The following CLIP1 variants were observed in gnomAD, a reference collection of about 807,000 sequenced individuals.
CLIP1 encodes the protein CAP-Gly domain containing linker protein 1, also known as CAP-Gly domain-containing linker protein 1.
A neutral mutation model predicts 161.6 loss-of-function variants in CLIP1; 66 were observed. That is an observed-to-expected ratio of 0.41 (90% CI 0.33 to 0.50). CLIP1 has a LOEUF of 0.50. Among genes scored for constraint, CLIP1 ranks in the 20% least tolerant of loss-of-function variants. The probability of loss-of-function intolerance (pLI) is 0.27; values close to 1 mark genes in which losing one functional copy is unlikely to be tolerated. For synonymous variants in CLIP1, 598 were observed against 626.2 expected (o/e 0.96, Z 0.67); for missense variants, 1,376 against 1,702.0 (o/e 0.81, Z 3.37).
chr12:122,318,973 A>C lies in CLIP1; in HGVS notation c.3366+259T>G, dbSNP rs79894817. On this transcript the variant is annotated intron_variant, in intron 18 of 25. Transcript: ENST00000620786. ...GATACAAAAGCTAGAGCAGGCCATC[A>C]GTACCTCCTCTCACTAGTGCCATCA... Among the ~76,000 whole-genome samples the C allele has an allele frequency of 8.9e-3, 1,350 of 152,350 alleles. 16 individuals are homozygous for C. The highest frequency in any genetic ancestry group is 0.031 in the African/African-American group (1,280 of 41,576).
intron 1 of CLIP1, among the ~76,000 whole-genome samples, chr12:122,407,748 C>CAAAAAAAAAAAAA (rs35500806): frequency 5.2e-5 from 2 of 38,334 alleles, no homozygotes; most frequent in African/African-American, 2.8e-4. Context: ...GACCCTGTCT[C>CAAAAAAAAAAAAA]AAAAAAAAAA....
chr12:122,347,491 A>G lies in CLIP1; in HGVS notation c.1402-12T>C, dbSNP rs981607477. 2 of 1,600,742 alleles carry G rather than the reference A, an allele frequency of 1.2e-6. No homozygotes were observed. Among genetic ancestry groups the G allele is most frequent in the Non-Finnish European group, 1.7e-6 (2 of 1,168,616 alleles). ...AGTTTGGTCTGCGTCTGTTAGTAAAAAGGAAGAGGAAGAGAACACAACAGT... is the reference window on the plus strand; with the variant it reads ...AGTTTGGTCTGCGTCTGTTAGTAAAGAGGAAGAGGAAGAGAACACAACAGT... On this transcript the variant is annotated splice_polypyrimidine_tract_variant and intron_variant, in intron 9 of 25. Coordinates refer to ENST00000620786, the MANE Select transcript of CLIP1 (RefSeq NM_001247997.2).
intron 17 of CLIP1, among the ~76,000 whole-genome samples, chr12:122,325,585 G>A (rs1262478777): frequency 3.3e-5 from 5 of 152,086 alleles, no homozygotes; most frequent in Non-Finnish European, 5.9e-5. Context: ...AGTTTCAAGC[G>A]ATCCTCTTTT....
rs561745096 is a variant in CLIP1 at position 122,356,919 on chromosome 12, C to T, written c.1006-1607G>A. 7.1e-4 allele frequency among the ~76,000 whole-genome samples: 108 copies of T among 152,356 alleles called. No individual in the cohort carries two copies. In the Middle Eastern group the frequency reaches 0.02, roughly 29 times the overall value. ...CCTCCCGAGGTGCCGAGATTGCAGA[C>T]GGAGTCTGGTTCACTCAGTGCTCAA... On this transcript the variant is annotated intron_variant, in intron 5 of 25. Transcript: ENST00000620786.
intron 15 of CLIP1, among the ~76,000 whole-genome samples, chr12:122,328,677 C>T (rs1013942815): frequency 5.3e-5 from 8 of 152,140 alleles, no homozygotes; most frequent in African/African-American, 1.7e-4. Flanking sequence ...CTCCGCCTCC[C>T]GGGTTCATGC....
intron 15 of CLIP1, 66 bp downstream of exon 15, chr12:122,332,921 C>T: frequency 7.4e-7 from 1 of 1,347,670 alleles, no homozygotes; most frequent in Non-Finnish European, 1.0e-6. Flanking sequence ...TTTGTCTCCC[C>T]TCCCACCTAG....
chr12:122,304,793 C>A (rs2136455017), intron 20 of CLIP1, among the ~76,000 whole-genome samples: 1 of 152,338 alleles, frequency 6.6e-6, no homozygotes, highest in African/African-American at 2.4e-5. Flanking sequence ...TGTGATCCAG[C>A]TTCAATCAGC....
chr12:122,377,529 GTGA>G lies in CLIP1; in HGVS notation c.514_516del (p.Ser172del). The G allele has an allele frequency of 1.2e-6, 2 of 1,614,068 alleles. No individual in the cohort carries two copies. The highest frequency in any genetic ancestry group is 1.7e-6 in the Non-Finnish European group (2 of 1,180,032). On this transcript the variant is annotated inframe_deletion, in exon 3 of 26. Transcript: ENST00000620786. ...GCTGAAGGTTCCTTTGCTGCTGGCT[GTGA>G]TGGTTTCTGAGGGATGTTTGAAGGG...
intron 20 of CLIP1, among the ~76,000 whole-genome samples, chr12:122,309,435 G>A (rs1468622950): frequency 9.9e-5 from 15 of 152,130 alleles, no homozygotes; most frequent in Admixed American, 9.8e-4. Context: ...AAATAATTTT[G>A]TAATCCAAGT....
intron 1 of CLIP1, among the ~76,000 whole-genome samples, chr12:122,391,914 C>T (rs1252310322): frequency 6.6e-6 from 1 of 152,206 alleles, no homozygotes; most frequent in African/African-American, 2.4e-5. Flanking sequence ...CCAAGCTCCT[C>T]ATTTTCCTCT....
chr12:122,320,918 C>T (rs1951474473), intron 17 of CLIP1, among the ~76,000 whole-genome samples: 1 of 151,044 alleles, frequency 6.6e-6, no homozygotes, highest in Non-Finnish European at 1.5e-5. Context: ...CCATGTTGGC[C>T]AGGATGGTCT....
intron 1 of CLIP1, among the ~76,000 whole-genome samples, chr12:122,386,588 G>T (rs976246077): frequency 6.6e-6 from 1 of 152,156 alleles, no homozygotes; most frequent in South Asian, 2.1e-4. Flanking sequence ...AGTGACCAAA[G>T]AGAATAGTGT....
At chr12:122,301,937 T>C (rs189436409) in intron 20 of CLIP1, among the ~76,000 whole-genome samples, 2 of 152,318 alleles carry the variant, frequency 1.3e-5, no homozygotes, top group East Asian at 1.9e-4. Context: ...TGAATAGTCA[T>C]TGTCTGGAGA....
intron 20 of CLIP1, among the ~76,000 whole-genome samples, chr12:122,299,005 C>T (rs1041633502): frequency 1.1e-4 from 17 of 152,130 alleles, no homozygotes; most frequent in African/African-American, 3.9e-4. Context: ...GCGGGGGTAT[C>T]GTGACTGCCT....
At chr12:122,350,996 C>T in intron 9 of CLIP1, 115 bp downstream of exon 9, 1 of 722,012 alleles carries the variant, frequency 1.4e-6, no homozygotes. Context: ...ACATTAAGGT[C>T]AATGTCCCAA....
At position 122,327,997 on chromosome 12, in the gene CLIP1, C is replaced by T. The variant is rs142428394; in HGVS notation, c.3199G>A (p.Gly1067Ser). Reference sequence around the variant, plus strand: ...AGCTCCTCCAGCTCCTGCAGCAAGCCACTGTTCTCCTCCCGTGCGCCCTTC... The same window carrying T: ...AGCTCCTCCAGCTCCTGCAGCAAGCTACTGTTCTCCTCCCGTGCGCCCTTC... Reference protein sequence around the residue: ...KLKGAREENSGLLQELEELRK... With the variant: ...KLKGAREENSSLLQELEELRK... Residue 1067 changes from glycine (G) to serine (S), a missense_variant, in exon 17 of 26, where the codon GGC (glycine) becomes AGC (serine). Gly to Ser is a moderately conservative substitution (Grantham distance 56). Around this residue, in one of 6 missense-constraint regions of CLIP1, gnomAD observed 948 missense variants for 1,134.8 expected, o/e 0.84. Transcript: ENST00000620786. 4 of 1,614,048 alleles carry T rather than the reference C, an allele frequency of 2.5e-6. No homozygotes were observed. The African/African-American group carries it at 4.0e-5, about 16-fold the overall frequency.
rs1231116941 is a variant in CLIP1 at position 122,355,155 on chromosome 12, A to T, written c.1163T>A (p.Ile388Lys). ...CCGGGCCAGAGCTAGCTCCTGCTCT[A>T]TCTCCCCCACGTGGCTCGTGGCCTT... Reference protein sequence around the residue: ...VAKATSHVGEIEQELALARDG... With the variant: ...VAKATSHVGEKEQELALARDG... The change falls in exon 6 of 26, where the codon ATA becomes AAA. Residue 388 changes from isoleucine to lysine, a missense_variant. Physicochemically the swap from Ile to Lys is moderately radical, Grantham distance 102. Transcript: ENST00000620786. The surrounding 1 kb of genome is among the most constrained non-coding windows in gnomAD (Gnocchi z 4.1). 3.1e-6 allele frequency: 5 copies of T among 1,614,032 alleles called. No homozygotes were observed. The highest frequency in any genetic ancestry group is 4.2e-6 in the Non-Finnish European group (5 of 1,180,022).
At chr12:122,404,909 A>AAC (rs1374188851) in intron 1 of CLIP1, among the ~76,000 whole-genome samples, 32 of 149,952 alleles carry the variant, frequency 2.1e-4, no homozygotes, top group African/African-American at 7.7e-4. Flanking sequence ...CAAAAAAAAA[A>AAC]AACAAAACAA....
rs768061150 is a variant in CLIP1, at chr12:122,340,827, G to A, written c.2377C>T (p.Leu793Phe). The change falls in exon 11 of 26, where the codon CTT becomes TTT. Residue 793 changes from leucine to phenylalanine, a missense_variant. Physicochemically the swap from Leu to Phe is conservative, Grantham distance 22. This residue lies in a region of CLIP1 where 948 missense variants were observed against 1,134.8 expected (regional missense o/e 0.84). Transcript: ENST00000620786. ...SSEGKSEMKKLRQQLEAAEKQ... is the reference protein window; with the variant it reads ...SSEGKSEMKKFRQQLEAAEKQ... ...TCAGCTGCCTCAAGCTGCTGTCTAA[G>A]TTTCTTCATTTCCGATTTACCTTCG... 7 of 1,613,820 alleles carry A rather than the reference G, an allele frequency of 4.3e-6. No homozygotes were observed. Among genetic ancestry groups the A allele is most frequent in the Non-Finnish European group, 5.9e-6 (7 of 1,179,950 alleles).
Sources: allele counts gnomAD v4.1 joint callset (sites outside exome capture counted in the v4.1 genomes callset), GRCh38; gene constraint gnomAD v4.1.1; regional missense constraint gnomAD v4.1.1; non-coding constraint Gnocchi (gnomAD v3.1); transcripts MANE v1.5; gene names NCBI Gene and HGNC (gene_info 2026-07-23, HGNC 2026-07-21).